SHANK2: variants seen among roughly 807,000 people sequenced by gnomAD.
The protein encoded by SHANK2 is SH3 and multiple ankyrin repeat domains 2.
SHANK2 carries 43 observed loss-of-function variants against 133.7 expected under a neutral mutation model. The observed-to-expected ratio is 0.32, with a 90% CI of 0.25 to 0.41. The LOEUF (loss-of-function observed/expected upper bound fraction) is 0.41. Among genes scored for constraint, SHANK2 ranks in the 10% least tolerant of loss-of-function variants. The probability of loss-of-function intolerance (pLI) is 1.00; values close to 1 mark genes in which losing one functional copy is unlikely to be tolerated. For missense variants in SHANK2, 1,994 were observed against 2,235.8 expected (o/e 0.89, Z 2.18); for synonymous variants, 1,017 against 952.8 (o/e 1.07, Z -1.24).
chr11:70,851,611 G>C (rs1055590257), intron 11 of SHANK2, among the ~76,000 whole-genome samples: 5 of 152,172 alleles, frequency 3.3e-5, no homozygotes, highest in Non-Finnish European at 7.4e-5. Flanking sequence ...AAGAACATGC[G>C]TCTCAGACAC....
At chr11:70,664,084 T>C (rs1193306777) in intron 15 of SHANK2, among the ~76,000 whole-genome samples, 1 of 152,104 alleles carries the variant, frequency 6.6e-6, no homozygotes, top group African/African-American at 2.4e-5. Flanking sequence ...TCTGCAGCCC[T>C]AAGGAGGCTG....
At chr11:71,119,115 A>G in intron 3 of SHANK2, 83 bp from the exon 4 acceptor site, 2 of 1,230,008 alleles carry the variant, frequency 1.6e-6, no homozygotes, top group Admixed American at 2.1e-5. Context: ...TCAGAGAGGC[A>G]AAGCTGCTTC....
intron 10 of SHANK2, among the ~76,000 whole-genome samples, chr11:70,928,563 G>A (rs1950460149): frequency 6.6e-6 from 1 of 152,176 alleles, no homozygotes; most frequent in Admixed American, 6.6e-5. Flanking sequence ...TGGAGGAAAA[G>A]CCTGTGGTAA....
intron 2 of SHANK2, among the ~76,000 whole-genome samples, chr11:71,210,896 TC>T (rs1954262926): frequency 6.6e-6 from 1 of 152,082 alleles, no homozygotes; most frequent in African/African-American, 2.4e-5. Flanking sequence ...GCGCCGGCAC[TC>T]CCCTCATCCT....
Position 70,781,558 on chromosome 11 carries a change from TTA to T in SHANK2, c.1777+16883_1777+16884del, listed in dbSNP as rs1273792106. On this transcript the variant is annotated intron_variant, in intron 14 of 25. Coordinates refer to ENST00000601538, the MANE Select transcript of SHANK2 (RefSeq NM_012309.5). ...AAGCAGCTTGCAATTTACTTACTTA[TTA>T]TATATATATATATATATATATATTT... is the stretch of plus-strand genomic sequence containing the variant. Among the ~76,000 whole-genome samples the T allele has an allele frequency of 1.5e-3, 44 of 28,964 alleles. 5 individuals are homozygous for T. The East Asian group carries it at 0.021, about 14-fold the overall frequency. 19.0% of individuals were successfully genotyped at this position (28,964 alleles called of 152,430 possible).
intron 1 of SHANK2, among the ~76,000 whole-genome samples, chr11:71,240,484 C>T (rs113729587): frequency 0.077 from 11,690 of 152,190 alleles, 494 homozygotes; most frequent in Middle Eastern, 0.13. Flanking sequence ...GAGAAGGTGG[C>T]GGTGGAGGCG....
At position 71,252,565 on chromosome 11, in the gene SHANK2, G is replaced by T. The variant is rs1362401060; in HGVS notation, c.-253C>A. 2.0e-5 allele frequency: 3 copies of T among 150,988 alleles called. No homozygotes were observed. The highest frequency in any genetic ancestry group is 3.0e-5 in the Non-Finnish European group (2 of 67,524). The allele number at this position is 150,988 out of a possible 1,614,324, so 9.4% of individuals were successfully genotyped here. A position where few individuals can be genotyped will look rare whatever the true frequency, so the allele number is the denominator to read the frequency against. On this transcript the variant is annotated 5_prime_UTR_variant, in exon 1 of 26. In the 5' UTR this introduces an upstream ATG that the reference lacks. Coordinates refer to ENST00000601538, the MANE Select transcript of SHANK2 (RefSeq NM_012309.5). The surrounding 1 kb of genome is among the most constrained non-coding windows in gnomAD (Gnocchi z 6.3). ...GAGCCGCCGCCGCGGCTCAGGTGCA[G>T]GGGGTGGGGAAGGACCCGGCCCCGC...
At chr11:70,757,445 C>T (rs782541689) in intron 14 of SHANK2, among the ~76,000 whole-genome samples, 2 of 152,200 alleles carry the variant, frequency 1.3e-5, no homozygotes, top group African/African-American at 2.4e-5. Flanking sequence ...ATGGAGAGGC[C>T]GGGACACCCA....
rs2059792019 is a variant in SHANK2 at position 70,553,256 on chromosome 11, A to T, written c.2062-50325T>A. 2.0e-5 allele frequency among the ~76,000 whole-genome samples: 3 copies of T among 151,596 alleles called. No individual in the cohort carries two copies. The South Asian group carries it at 6.3e-4, about 32-fold the overall frequency. On this transcript the variant is annotated intron_variant, in intron 17 of 25. Transcript: ENST00000601538. ...AGCTGCCCACCACCACGCCAGGCTAATTTTTTTTGTAATTTTAGTAGAGAA... is the reference window on the plus strand; with the variant it reads ...AGCTGCCCACCACCACGCCAGGCTATTTTTTTTTGTAATTTTAGTAGAGAA...
chr11:71,057,940 G>T (rs1227902090), intron 9 of SHANK2, among the ~76,000 whole-genome samples: 1 of 138,362 alleles, frequency 7.2e-6, no homozygotes, highest in African/African-American at 3.2e-5. Context: ...TTGAGACAGG[G>T]TCTCAGTCTG....
intron 16 of SHANK2, among the ~76,000 whole-genome samples, chr11:70,660,293 G>A (rs1297072649): frequency 6.6e-6 from 1 of 152,174 alleles, no homozygotes; most frequent in Non-Finnish European, 1.5e-5. Context: ...AAATGGAAAA[G>A]TTCCTCCCCT....
chr11:70,620,222 C>A (rs1240561782), intron 17 of SHANK2, among the ~76,000 whole-genome samples: 1 of 152,200 alleles, frequency 6.6e-6, no homozygotes. Flanking sequence ...CGGCACCAAG[C>A]TGATGCTTCC....
chr11:70,550,390 C>A (rs998803285), intron 17 of SHANK2, among the ~76,000 whole-genome samples: 1 of 152,174 alleles, frequency 6.6e-6, no homozygotes, highest in South Asian at 2.1e-4. Context: ...CTGCTGCATG[C>A]GTACCCCCAG....
chr11:70,627,181 CCTT>C (rs2060916637), intron 17 of SHANK2, among the ~76,000 whole-genome samples: 2 of 152,342 alleles, frequency 1.3e-5, no homozygotes, highest in South Asian at 4.1e-4. Context: ...CGATTTTCCT[CCTT>C]CTTGGGCACA....
intron 17 of SHANK2, among the ~76,000 whole-genome samples, chr11:70,605,918 T>G (rs2060570315): frequency 6.6e-6 from 1 of 152,080 alleles, no homozygotes; most frequent in Non-Finnish European, 1.5e-5. Context: ...AAGCACAAAT[T>G]TAAATGACCC....
At chr11:70,891,527 A>T (rs1555074729) in intron 11 of SHANK2, among the ~76,000 whole-genome samples, 1 of 152,192 alleles carries the variant, frequency 6.6e-6, no homozygotes, top group South Asian at 2.1e-4. Flanking sequence ...AAACAAAAAA[A>T]CACCAGAATT....
intron 14 of SHANK2, among the ~76,000 whole-genome samples, chr11:70,723,622 A>G (rs1014989497): frequency 6.6e-6 from 1 of 152,126 alleles, no homozygotes; most frequent in African/African-American, 2.4e-5. Flanking sequence ...TGAGAGAGTA[A>G]ATGCATGTTG....
chr11:71,066,660 A>G lies in SHANK2; in HGVS notation c.1029+8499T>C, dbSNP rs905053724. ...AGATACAAATTACTGCACACTCCAA[A>G]GTGTAAATCAGGAGTTTGTTTTCAG... On this transcript the variant is annotated intron_variant, in intron 9 of 25. Coordinates refer to ENST00000601538, the MANE Select transcript of SHANK2 (RefSeq NM_012309.5). 1.8e-4 allele frequency among the ~76,000 whole-genome samples: 28 copies of G among 152,320 alleles called. No individual in the cohort carries two copies. The East Asian group carries it at 4.6e-3, about 25-fold the overall frequency.
chr11:70,703,449 CG>C, intron 14 of SHANK2, among the ~76,000 whole-genome samples: 1 of 152,286 alleles, frequency 6.6e-6, no homozygotes, highest in African/African-American at 2.4e-5. Context: ...CTGGAAAAAG[CG>C]GGGTGGGCTA....
Sources: gnomAD v4.1 joint callset for allele counts (sites outside exome capture counted in the v4.1 genomes callset) on GRCh38, gnomAD v4.1.1 for gene constraint, Gnocchi (gnomAD v3.1) non-coding constraint, MANE v1.5 for transcripts, NCBI Gene and HGNC (gene_info 2026-07-23, HGNC 2026-07-21) for gene names.